ADAMTSL1: variants seen among roughly 807,000 people sequenced by gnomAD.
The protein encoded by ADAMTSL1 is ADAMTS like 1, also known as ADAMTS-like protein 1.
ADAMTSL1 carries 126 observed loss-of-function variants against 201.8 expected under a neutral mutation model. The observed-to-expected ratio is 0.62, with a 90% CI of 0.54 to 0.72. The LOEUF (loss-of-function observed/expected upper bound fraction) is 0.72. Ranked by LOEUF, ADAMTSL1 falls within the 30% of genes least tolerant of loss-of-function variation. The pLI is 0.00. For synonymous variants in ADAMTSL1, 1,121 were observed against 903.4 expected (o/e 1.24, Z -4.32); for missense variants, 2,679 against 2,277.8 (o/e 1.18, Z -3.59).
intron 1 of ADAMTSL1, among the ~76,000 whole-genome samples, chr9:17,969,093 C>T (rs2811809): frequency 0.59 from 90,047 of 151,848 alleles, 27,296 homozygotes; most frequent in East Asian, 0.92. Flanking sequence ...TACCTAGAAT[C>T]ATTTTTGCTA....
At chr9:18,642,793 A>T (rs536852417) in intron 7 of ADAMTSL1, among the ~76,000 whole-genome samples, 4 of 152,138 alleles carry the variant, frequency 2.6e-5, no homozygotes, top group Middle Eastern at 6.8e-3. Flanking sequence ...ATAGTATTCC[A>T]TTGTGCATAC....
chr9:18,545,863 C>T (rs1820436859), intron 3 of ADAMTSL1, among the ~76,000 whole-genome samples: 2 of 152,192 alleles, frequency 1.3e-5, no homozygotes, highest in Non-Finnish European at 1.5e-5. Flanking sequence ...AGGTTGCTAA[C>T]GTGCAAATAC....
rs147192087 is a variant in ADAMTSL1, at chr9:18,828,304, G to C, written c.4115-1539G>C. Among the ~76,000 whole-genome samples, 436 of 152,234 alleles carry C rather than the reference G, an allele frequency of 2.9e-3. 3 individuals are homozygous for C. Among genetic ancestry groups the C allele is most frequent in the African/African-American group, 9.9e-3 (411 of 41,546 alleles). On this transcript the variant is annotated intron_variant, in intron 22 of 28. Coordinates refer to ENST00000380548, the MANE Select transcript of ADAMTSL1 (RefSeq NM_001040272.6). ...TTTCAAAGCTGTAAGGACATTAGGA[G>C]GGGCCAACAATTGGCCCAAAAAGAG...
chr9:18,712,493 G>A (rs957407366), intron 14 of ADAMTSL1, among the ~76,000 whole-genome samples: 1 of 151,952 alleles, frequency 6.6e-6, no homozygotes, highest in Non-Finnish European at 1.5e-5. Context: ...GGAAGAAAGG[G>A]TATCAGCGAT....
At chr9:17,994,866 C>G (rs1374554583) in intron 1 of ADAMTSL1, among the ~76,000 whole-genome samples, 1 of 152,120 alleles carries the variant, frequency 6.6e-6, no homozygotes, top group Non-Finnish European at 1.5e-5. Context: ...CATGTGAAAT[C>G]CTTGAGAGAT....
intron 2 of ADAMTSL1, among the ~76,000 whole-genome samples, chr9:18,398,422 T>G (rs138160447): frequency 1.3e-5 from 2 of 152,344 alleles, no homozygotes; most frequent in East Asian, 3.9e-4. Flanking sequence ...TCAGAGTTTT[T>G]CACTCTGGAT....
At chr9:18,810,047 G>A (rs1485175015) in intron 20 of ADAMTSL1, among the ~76,000 whole-genome samples, 1 of 152,156 alleles carries the variant, frequency 6.6e-6, no homozygotes, top group East Asian at 1.9e-4. Context: ...TAGATTTGGA[G>A]TCAGAGCTGG....
At chr9:17,923,166 A>T (rs1332856124) in intron 1 of ADAMTSL1, among the ~76,000 whole-genome samples, 3 of 151,654 alleles carry the variant, frequency 2.0e-5, no homozygotes, top group African/African-American at 7.3e-5. Context: ...AGTTTTTTCC[A>T]ATTCTGTGAA....
chr9:18,370,280 CAAA>C (rs777805758), intron 2 of ADAMTSL1, among the ~76,000 whole-genome samples: 1 of 127,080 alleles, frequency 7.9e-6, no homozygotes. Flanking sequence ...GACTCCATCT[CAAA>C]AAAAAAAAAA....
chr9:18,016,657 G>T (rs181979737), intron 1 of ADAMTSL1, among the ~76,000 whole-genome samples: 30 of 152,116 alleles, frequency 2.0e-4, no homozygotes, highest in African/African-American at 7.0e-4. Context: ...AGAAGAAAGA[G>T]ACTCAGTTAC....
intron 1 of ADAMTSL1, among the ~76,000 whole-genome samples, chr9:18,125,806 T>C (rs1825707185): frequency 6.6e-6 from 1 of 152,228 alleles, no homozygotes; most frequent in Non-Finnish European, 1.5e-5. Flanking sequence ...AACTGTAGAT[T>C]TGCTCATTTT....
chr9:18,604,363 C>T (rs1020042609), intron 4 of ADAMTSL1, among the ~76,000 whole-genome samples: 2 of 152,192 alleles, frequency 1.3e-5, no homozygotes, highest in African/African-American at 4.8e-5. Flanking sequence ...TTATGGTTTA[C>T]TCTTTAACAA....
intron 2 of ADAMTSL1, among the ~76,000 whole-genome samples, chr9:18,343,752 T>C (rs1207389387): frequency 1.3e-5 from 2 of 152,166 alleles, no homozygotes; most frequent in Non-Finnish European, 2.9e-5. Context: ...TTAGAGGATG[T>C]AATAAACTGT....
At chr9:18,793,707 C>A (rs961828438) in intron 19 of ADAMTSL1, among the ~76,000 whole-genome samples, 1 of 152,182 alleles carries the variant, frequency 6.6e-6, no homozygotes, top group Non-Finnish European at 1.5e-5. Context: ...TGAGCCATTT[C>A]TGTGCTATCA....
At chr9:18,875,966 T>C (rs1208012419) in intron 23 of ADAMTSL1, among the ~76,000 whole-genome samples, 1 of 152,214 alleles carries the variant, frequency 6.6e-6, no homozygotes, top group Admixed American at 6.5e-5. Flanking sequence ...ATTTTCCTGT[T>C]GGACTAGTCC....
chr9:18,709,691 C>G (rs575362971), intron 14 of ADAMTSL1, among the ~76,000 whole-genome samples: 1 of 152,124 alleles, frequency 6.6e-6, no homozygotes, highest in Non-Finnish European at 1.5e-5. Context: ...ATCCTGTGTC[C>G]AACTGTCACT....
At chr9:18,107,080 C>T (rs1824792750) in intron 1 of ADAMTSL1, among the ~76,000 whole-genome samples, 1 of 152,148 alleles carries the variant, frequency 6.6e-6, no homozygotes, top group Non-Finnish European at 1.5e-5. Context: ...TCCCTGCTGT[C>T]TTTTCTTATA....
intron 2 of ADAMTSL1, among the ~76,000 whole-genome samples, chr9:18,398,378 G>C (rs1817833143): frequency 6.6e-6 from 1 of 152,242 alleles, no homozygotes; most frequent in Non-Finnish European, 1.5e-5. Flanking sequence ...ATCAGATACA[G>C]CTATATGCAA....
At chr9:18,311,574 C>G (rs1216564967) in intron 2 of ADAMTSL1, among the ~76,000 whole-genome samples, 2 of 152,054 alleles carry the variant, frequency 1.3e-5, no homozygotes, top group East Asian at 3.9e-4. Flanking sequence ...GCCTGAACTG[C>G]TGAACATCAT....
Sources: allele counts gnomAD v4.1 joint callset (sites outside exome capture counted in the v4.1 genomes callset), GRCh38; gene constraint gnomAD v4.1.1; transcripts MANE v1.5; gene names NCBI Gene and HGNC (gene_info 2026-07-23, HGNC 2026-07-21).